Variants in SCMH1 observed in about 807,000 individuals in gnomAD.
The protein encoded by SCMH1 is Scm polycomb group protein homolog 1.
Under a neutral mutation model 70.8 loss-of-function variants are expected in SCMH1, and 37 were observed. The observed-to-expected ratio is 0.52, with a 90% CI of 0.40 to 0.69. The LOEUF is 0.69. Among genes scored for constraint, SCMH1 ranks in the 30% least tolerant of loss-of-function variants. SCMH1 has a pLI of 0.00. For missense variants in SCMH1, 607 were observed against 827.3 expected (o/e 0.73, Z 3.27); for synonymous variants, 292 against 307.4 (o/e 0.95, Z 0.52).
chr1:41,076,965 T>C (rs1658468605), intron 8 of SCMH1, among the ~76,000 whole-genome samples: 1 of 152,068 alleles, frequency 6.6e-6, no homozygotes, highest in Non-Finnish European at 1.5e-5. Context: ...TCTGACTGCT[T>C]TGTGAGAGGG....
rs184478534 is a variant in SCMH1, at chr1:41,210,774, A to T, written c.-117-24524T>A. On this transcript the variant is annotated intron_variant, in intron 1 of 14. Transcript: ENST00000337495. ...AAAACCCTAGAAGAAAACCTAGGCA[A>T]TACCATTCAGGATATAGGCATGGGC... Among the ~76,000 whole-genome samples, 988 of 152,204 alleles carry T rather than the reference A, an allele frequency of 6.5e-3. 6 individuals are homozygous for T. Among genetic ancestry groups the T allele is most frequent in the Non-Finnish European group, 0.011 (737 of 68,000 alleles).
At chr1:41,178,703 C>T (rs1161076689) in intron 2 of SCMH1, among the ~76,000 whole-genome samples, 2 of 152,192 alleles carry the variant, frequency 1.3e-5, no homozygotes, top group Non-Finnish European at 1.5e-5. Flanking sequence ...AACATATATG[C>T]ACCCAATACA....
At chr1:41,238,041 A>C (rs534311625) in intron 1 of SCMH1, among the ~76,000 whole-genome samples, 2 of 152,300 alleles carry the variant, frequency 1.3e-5, no homozygotes, top group Admixed American at 1.3e-4. Context: ...ATGAAGTATA[A>C]ATTTTTTACA....
At chr1:41,083,114 G>T (rs1198538010) in intron 8 of SCMH1, among the ~76,000 whole-genome samples, 4 of 152,200 alleles carry the variant, frequency 2.6e-5, no homozygotes, top group South Asian at 2.1e-4. Context: ...AGTGTTGGAA[G>T]TTCTGGCCAG....
At chr1:41,183,772 T>G (rs1261984520) in intron 2 of SCMH1, among the ~76,000 whole-genome samples, 1 of 152,222 alleles carries the variant, frequency 6.6e-6, no homozygotes, top group Non-Finnish European at 1.5e-5. Context: ...ACATAGAGAA[T>G]GATACCTAGA....
chr1:41,085,838 C>CT lies in SCMH1; in HGVS notation c.746-10388dup, dbSNP rs59678945. Among the ~76,000 whole-genome samples the CT allele has an allele frequency of 6.9e-3, 588 of 85,578 alleles. 10 individuals carry two copies. Among genetic ancestry groups the CT allele is most frequent in the African/African-American group, 0.017 (338 of 19,790 alleles). The allele number at this position is 85,578 out of a possible 152,430, so 56.1% of individuals were successfully genotyped here. A position where few individuals can be genotyped will look rare whatever the true frequency, so the allele number is the denominator to read the frequency against. ...ATAGTATTAAAATTAATTTCACCTGCTTTTTTTTTTTTTTTTTTTTGAGAT... is the reference window on the plus strand; with the variant it reads ...ATAGTATTAAAATTAATTTCACCTGCTTTTTTTTTTTTTTTTTTTTTGAGAT... On this transcript the variant is annotated intron_variant, in intron 8 of 14. Transcript: ENST00000337495.
At chr1:41,053,914 G>A (rs902728216) in intron 10 of SCMH1, among the ~76,000 whole-genome samples, 2 of 151,646 alleles carry the variant, frequency 1.3e-5, no homozygotes, top group Admixed American at 6.6e-5. Context: ...GCGTGATCTC[G>A]GCTCACTGCA....
At chr1:41,185,392 G>T (rs1649901803) in intron 2 of SCMH1, among the ~76,000 whole-genome samples, 1 of 152,134 alleles carries the variant, frequency 6.6e-6, no homozygotes, top group Non-Finnish European at 1.5e-5. Context: ...TTGCCATGTT[G>T]CCCAGGCTGG....
At chr1:41,029,447 GCCGTGGCCTC>G (rs1644216138) in intron 13 of SCMH1, among the ~76,000 whole-genome samples, 1 of 152,210 alleles carries the variant, frequency 6.6e-6, no homozygotes, top group African/African-American at 2.4e-5. Context: ...TGATCTGCCT[GCCGTGGCCTC>G]CCAAAGTGCT....
intron 2 of SCMH1, among the ~76,000 whole-genome samples, chr1:41,180,472 T>C (rs1029002182): frequency 6.6e-6 from 1 of 152,214 alleles, no homozygotes; most frequent in African/African-American, 2.4e-5. Flanking sequence ...AACCCCATCG[T>C]TAAGCTGATA....
At chr1:41,177,537 T>A (rs1647312427) in intron 2 of SCMH1, among the ~76,000 whole-genome samples, 1 of 151,956 alleles carries the variant, frequency 6.6e-6, no homozygotes, top group Admixed American at 6.6e-5. Context: ...TGCAGAGAAG[T>A]CCTTAAAGGA....
chr1:41,037,829 TA>T (rs1167007566), intron 12 of SCMH1, among the ~76,000 whole-genome samples: 1 of 152,214 alleles, frequency 6.6e-6, no homozygotes, highest in African/African-American at 2.4e-5. Flanking sequence ...AGGAACATCT[TA>T]AACAAATGGA....
rs529552697 is a variant in SCMH1 at position 41,152,599 on chromosome 1, C to T, written c.107-915G>A. The T allele has an allele frequency of 2.5e-5, 40 of 1,614,130 alleles. No homozygotes were observed. In the East Asian group the frequency reaches 6.5e-4, roughly 26 times the overall value. Reference sequence around the variant, plus strand: ...TTACCAGTCTCCCCCTAATACCCACCTAGAGGTGACCCCATGATGGAGCAG... The same window carrying T: ...TTACCAGTCTCCCCCTAATACCCACTTAGAGGTGACCCCATGATGGAGCAG... On this transcript the variant is annotated intron_variant, in intron 4 of 14. Coordinates refer to ENST00000337495, the Ensembl canonical transcript of SCMH1.
At chr1:41,160,982 G>GGA in intron 3 of SCMH1, 84 bp from the exon 4 acceptor site, 1 of 1,302,928 alleles carries the variant, frequency 7.7e-7, no homozygotes, top group Admixed American at 2.0e-5. Flanking sequence ...GGGTAAAATA[G>GGA]GAAATCGAGT....
At chr1:41,166,803 T>C (rs1646439640) in intron 2 of SCMH1, among the ~76,000 whole-genome samples, 1 of 152,074 alleles carries the variant, frequency 6.6e-6, no homozygotes, top group Non-Finnish European at 1.5e-5. Flanking sequence ...GACAATTTCA[T>C]TTCACTCTTT....
intron 1 of SCMH1, among the ~76,000 whole-genome samples, chr1:41,200,225 C>G (rs532287955): frequency 6.6e-6 from 1 of 152,164 alleles, no homozygotes; most frequent in Non-Finnish European, 1.5e-5. Context: ...TGCCTGTAAT[C>G]CCAGCACTTT....
At chr1:41,089,360 A>C (rs1662657990) in intron 8 of SCMH1, among the ~76,000 whole-genome samples, 1 of 152,218 alleles carries the variant, frequency 6.6e-6, no homozygotes, top group Non-Finnish European at 1.5e-5. Flanking sequence ...AAATGGCACA[A>C]GCTAAAAACC....
chr1:41,234,499 G>T (rs796585709), intron 1 of SCMH1, among the ~76,000 whole-genome samples: 3 of 111,172 alleles, frequency 2.7e-5, no homozygotes, highest in African/African-American at 1.1e-4. Context: ...ACACAGTCTG[G>T]CTCTGTCATC....
chr1:41,089,420 G>C (rs1303098664), intron 8 of SCMH1, among the ~76,000 whole-genome samples: 1 of 152,106 alleles, frequency 6.6e-6, no homozygotes, highest in Non-Finnish European at 1.5e-5. Context: ...TGTCCTATTA[G>C]CAGTCCATGA....
Sources: allele counts gnomAD v4.1 joint callset (sites outside exome capture counted in the v4.1 genomes callset), GRCh38; gene constraint gnomAD v4.1.1; transcripts MANE v1.5; gene names NCBI Gene and HGNC (gene_info 2026-07-23, HGNC 2026-07-21).